Variants in CFD observed in about 807,000 individuals in gnomAD.
The protein encoded by CFD is complement factor D.
Under a neutral mutation model 21.1 loss-of-function variants are expected in CFD, and 24 were observed. The ratio of observed to expected loss-of-function variants is 1.14; its 90% CI spans 0.82 to 1.60. The LOEUF (loss-of-function observed/expected upper bound fraction) is 1.60. Ranked by LOEUF, CFD falls within the 40% of genes most tolerant of loss-of-function variation. The pLI, the probability that CFD is intolerant of heterozygous loss-of-function variation, is 0.00. For synonymous variants in CFD, 242 were observed against 175.9 expected, an observed-to-expected ratio of 1.38 and a Z score of -2.97; for missense variants, 535 against 383.3, an observed-to-expected ratio of 1.40 and a Z score of -3.31.
chr19:861,693 C>G lies in CFD; in HGVS notation c.358-6C>G. The G allele has an allele frequency of 6.3e-7, 1 of 1,598,134 alleles. No individual in the cohort carries two copies. Among genetic ancestry groups the G allele is most frequent in the East Asian group, 2.3e-5 (1 of 44,058 alleles). ...CCCCAACCCTGACGTCCGCCTCCAC[C>G]CTCAGCTGTCGGAGAAGGCCACACT... On this transcript the variant is annotated splice_region_variant and splice_polypyrimidine_tract_variant and intron_variant, in intron 3 of 4. Transcript: ENST00000327726.
At position 861,881 on chromosome 19, in the gene CFD, C is replaced by T; in HGVS notation, c.540C>T (p.Asn180=). Residue 180 remains asparagine, a synonymous_variant, in exon 4 of 5, where the codon AAC becomes AAT. Coordinates refer to ENST00000327726, the MANE Select transcript of CFD (RefSeq NM_001928.4). ...LLPVLDRATC[N]RRTHHDGAIT... ...CAGTGCTGGACCGCGCCACCTGCAA[C>T]CGGCGCACGCACCACGACGGCGCCA... 1.3e-6 allele frequency: 2 copies of T among 1,589,812 alleles called. No homozygotes were observed. The highest frequency in any genetic ancestry group is 1.1e-5 in the South Asian group (1 of 89,458).
At chr19:861,654 C>T (rs2035795450) in intron 3 of CFD, 45 bp from the exon 4 acceptor site, 4 of 1,560,458 alleles carry the variant, frequency 2.6e-6, no homozygotes, top group Non-Finnish European at 3.5e-6. Flanking sequence ...TCTCCCCAGC[C>T]TCGCACCCCC....
intron 4 of CFD, among the ~76,000 whole-genome samples, chr19:862,374 G>A (rs1270779989): frequency 1.4e-5 from 2 of 146,032 alleles, no homozygotes; most frequent in African/African-American, 5.1e-5. Flanking sequence ...TGGGGCATGA[G>A]GGGCAGGGCA....
chr19:861,504 A>C (rs1014322916), intron 3 of CFD, among the ~76,000 whole-genome samples, 195 bp from the exon 4 acceptor site: 12 of 107,924 alleles, frequency 1.1e-4, no homozygotes, highest in African/African-American at 2.6e-4. Context: ...TTGCAGCTGC[A>C]CTGGTGAGCC....
Position 863,575 on chromosome 19 carries a change from C to A in CFD, c.*337C>A. ...TGTGATTGCACCACTGCCCTCCAGC[C>A]TGGGCAACAGAGTGAAACCTTGTCT... On this transcript the variant is annotated 3_prime_UTR_variant, in exon 5 of 5. Coordinates refer to ENST00000327726, the MANE Select transcript of CFD (RefSeq NM_001928.4). 3.2e-6 allele frequency: 1 copy of A among 315,076 alleles called. No homozygotes were observed. The allele number at this position is 315,076 out of a possible 1,614,324, so 19.5% of individuals were successfully genotyped here.
intron 4 of CFD, among the ~76,000 whole-genome samples, 198 bp from the exon 5 acceptor site, chr19:862,894 G>C (rs912669029): frequency 6.6e-6 from 1 of 151,876 alleles, no homozygotes; most frequent in East Asian, 1.9e-4. Flanking sequence ...AGCTGGGGGC[G>C]GGCCTAGAGG....
At position 861,770 on chromosome 19, in the gene CFD, A is replaced by C. The variant is rs8953; in HGVS notation, c.429A>C (p.Ala143=). 4.4e-6 allele frequency: 7 copies of C among 1,605,838 alleles called. No homozygotes were observed. The East Asian group carries it at 1.3e-4, about 31-fold the overall frequency. ...LPWQRVDRDV[A]PGTLCDVAGW... Reference sequence around the variant, plus strand: ...GGCAGCGCGTGGACCGCGACGTGGCACCGGGAACTCTCTGCGACGTGGCCG... The same window carrying C: ...GGCAGCGCGTGGACCGCGACGTGGCCCCGGGAACTCTCTGCGACGTGGCCG... Residue 143 remains alanine, a synonymous_variant, in exon 4 of 5, where the codon GCA becomes GCC. Coordinates refer to ENST00000327726, the MANE Select transcript of CFD (RefSeq NM_001928.4).
At chr19:862,405 G>T (rs1247041540) in intron 4 of CFD, among the ~76,000 whole-genome samples, 3 of 137,676 alleles carry the variant, frequency 2.2e-5, no homozygotes, top group Non-Finnish European at 3.1e-5. Flanking sequence ...GGCGGTACCT[G>T]TGGGGAGGGT....
At chr19:861,162 C>T (rs577370922) in intron 3 of CFD, among the ~76,000 whole-genome samples, 157 bp downstream of exon 3, 37 of 135,488 alleles carry the variant, frequency 2.7e-4, no homozygotes, top group African/African-American at 9.5e-4. Flanking sequence ...CGGGTCTAGC[C>T]TCGACCTCTC....
chr19:862,438 G>A (rs999276837), intron 4 of CFD, among the ~76,000 whole-genome samples: 3 of 140,400 alleles, frequency 2.1e-5, no homozygotes, highest in African/African-American at 8.0e-5. Context: ...GGGTCAGGGC[G>A]GGCAAAAGGG....
chr19:861,559 C>A, intron 3 of CFD, 140 bp from the exon 4 acceptor site: 1 of 1,028,620 alleles, frequency 9.7e-7, no homozygotes, highest in Non-Finnish European at 1.4e-6. Flanking sequence ...CAGGGTCTAG[C>A]CTAAATCTCT....
intron 4 of CFD, 84 bp downstream of exon 4, chr19:862,040 T>G: frequency 6.8e-7 from 1 of 1,473,014 alleles, no homozygotes; most frequent in Non-Finnish European, 8.9e-7. Flanking sequence ...GGGGGGCAAG[T>G]AGGAACAGGG....
intron 4 of CFD, 69 bp from the exon 5 acceptor site, chr19:863,023 G>A (rs986968135): frequency 2.1e-6 from 3 of 1,423,564 alleles, no homozygotes; most frequent in Non-Finnish European, 1.9e-6. Context: ...GCAGCCAGGT[G>A]AGGGGGTCTA....
In CFD at chr19:861,829, C is replaced by T. The variant is rs769311874; in HGVS notation, c.488C>T (p.Pro163Leu). The change falls in exon 4 of 5, where the codon CCG becomes CTG. Residue 163 changes from proline to leucine, a missense_variant. Transcript: ENST00000327726. Reference sequence around the variant, plus strand: ...ATAGTCAACCACGCGGGCCGCCGCCCGGACAGCCTGCAGCACGTGCTCTTG... The same window carrying T: ...ATAGTCAACCACGCGGGCCGCCGCCTGGACAGCCTGCAGCACGTGCTCTTG... ...WGIVNHAGRRPDSLQHVLLPV... is the reference protein window; with the variant it reads ...WGIVNHAGRRLDSLQHVLLPV... The T allele has an allele frequency of 8.7e-6, 14 of 1,601,516 alleles. No homozygotes were observed. Among genetic ancestry groups the T allele is most frequent in the Admixed American group, 1.7e-5 (1 of 59,832 alleles).
rs762667527 is a variant in CFD at position 861,882 on chromosome 19, C to G, written c.541C>G (p.Arg181Gly). 6.3e-7 allele frequency: 1 copy of G among 1,589,708 alleles called. No homozygotes were observed. Among genetic ancestry groups the G allele is most frequent in the Non-Finnish European group, 8.5e-7 (1 of 1,174,588 alleles). Reference protein sequence around the residue: ...LPVLDRATCNRRTHHDGAITE... With the variant: ...LPVLDRATCNGRTHHDGAITE... ...AGTGCTGGACCGCGCCACCTGCAACCGGCGCACGCACCACGACGGCGCCAT... is the reference window on the plus strand; with the variant it reads ...AGTGCTGGACCGCGCCACCTGCAACGGGCGCACGCACCACGACGGCGCCAT... The change falls in exon 4 of 5, where the codon CGG (arginine) becomes GGG (glycine). Residue 181 changes from arginine to glycine, a missense_variant. Coordinates refer to ENST00000327726, the MANE Select transcript of CFD (RefSeq NM_001928.4).
intron 1 of CFD, 145 bp from the exon 2 acceptor site, chr19:860,472 C>G: frequency 2.6e-6 from 1 of 391,168 alleles, no homozygotes; most frequent in South Asian, 3.0e-5. Flanking sequence ...TCACAAAGTG[C>G]TGGGATTACA....
At chr19:861,315 C>T (rs1481474432) in intron 3 of CFD, among the ~76,000 whole-genome samples, 1 of 52,386 alleles carries the variant, frequency 1.9e-5, no homozygotes, top group Admixed American at 1.6e-4. Flanking sequence ...GCGCTCGGAG[C>T]CCCCCCACCC....
At chr19:860,550 C>G in intron 1 of CFD, 67 bp from the exon 2 acceptor site, 1 of 1,341,062 alleles carries the variant, frequency 7.5e-7, no homozygotes, top group Non-Finnish European at 9.5e-7. Context: ...GAGCTGGGAT[C>G]CCGTCAGGCA....
At chr19:861,331 A>C (rs936235370) in intron 3 of CFD, among the ~76,000 whole-genome samples, 4 of 3,690 alleles carry the variant, frequency 1.1e-3, no homozygotes, top group East Asian at 5.6e-3. Flanking sequence ...CACCCCCTGC[A>C]CCCTCACCCC....
Sources: allele counts gnomAD v4.1 joint callset (sites outside exome capture counted in the v4.1 genomes callset), GRCh38; gene constraint gnomAD v4.1.1; transcripts MANE v1.5; gene names NCBI Gene and HGNC (gene_info 2026-07-23, HGNC 2026-07-21).